MYOF: variants seen among roughly 807,000 people sequenced by gnomAD.
MYOF encodes myoferlin.
MYOF carries 244 observed loss-of-function variants against 284.2 expected under a neutral mutation model. The ratio of observed to expected loss-of-function variants is 0.86; its 90% CI spans 0.77 to 0.95. The LOEUF is 0.95. Ranked by LOEUF, MYOF falls within the 40% of genes least tolerant of loss-of-function variation. MYOF has a pLI of 0.00. For missense variants in MYOF, 2,496 were observed against 2,560.6 expected (o/e 0.97, Z 0.54); for synonymous variants, 904 against 919.7 (o/e 0.98, Z 0.31).
chr10:93,376,413 T>C (rs1221031952), intron 22 of MYOF, among the ~76,000 whole-genome samples: 1 of 152,144 alleles, frequency 6.6e-6, no homozygotes, highest in Admixed American at 6.5e-5. Flanking sequence ...AGATATGTCA[T>C]TTCTCCTCTT....
chr10:93,432,930 TG>T (rs1484117490), intron 3 of MYOF, among the ~76,000 whole-genome samples: 1 of 152,184 alleles, frequency 6.6e-6, no homozygotes, highest in Non-Finnish European at 1.5e-5. Context: ...TTTTTATAGT[TG>T]GGGAACATGA....
rs1224228429 is a variant in MYOF at position 93,343,918 on chromosome 10, C to T, written c.4264G>A (p.Ala1422Thr). Reference protein sequence around the residue: ...VPQLKASLLSAPPCRDIVIEM... With the variant: ...VPQLKASLLSTPPCRDIVIEM... ...ATAACGATGTCCCGGCATGGTGGGG[C>T]AGACAGAAGGGAGGCTGCAAGACAA... The change falls in exon 38 of 54, where the codon GCC (alanine) becomes ACC (threonine). Residue 1422 changes from alanine to threonine, a missense_variant. Ala to Thr is a moderately conservative substitution (Grantham distance 58). Transcript: ENST00000359263. The T allele has an allele frequency of 1.1e-5, 17 of 1,613,980 alleles. No homozygotes were observed. The highest frequency in any genetic ancestry group is 1.3e-5 in the African/African-American group (1 of 74,908).
chr10:93,337,881 A>C lies in MYOF; in HGVS notation c.4371T>G (p.Phe1457Leu). The C allele has an allele frequency of 6.2e-7, 1 of 1,614,142 alleles. No individual in the cohort carries two copies. Residue 1457 changes from phenylalanine (F) to leucine (L), a missense_variant, in exon 40 of 54, where the codon TTT (phenylalanine) becomes TTG (leucine). By Grantham distance (22) the Phe-to-Leu change is conservative. This residue lies in a region of MYOF where 2,436 missense variants were observed against 2,480.7 expected (regional missense o/e 0.98). Transcript: ENST00000359263. ...TTTCATGTTCCCCTGAGGAAGCATA[A>C]AATTTACTCCACCAGTCCACGATTT... ...EEEIVDWWSK[F>L]YASSGEHEKC...
At chr10:93,400,013 A>G (rs1847198530) in intron 12 of MYOF, among the ~76,000 whole-genome samples, 2 of 152,246 alleles carry the variant, frequency 1.3e-5, no homozygotes, top group Admixed American at 1.3e-4. Context: ...CCTAGGTGAC[A>G]GAGTGAGGCT....
At position 93,331,379 on chromosome 10, in the gene MYOF, C is replaced by T. The variant is rs1313249384; in HGVS notation, c.4812-1545G>A. 2.6e-5 allele frequency among the ~76,000 whole-genome samples: 4 copies of T among 152,182 alleles called. No individual in the cohort carries two copies. The East Asian group carries it at 5.8e-4, about 22-fold the overall frequency. ...GGAAGTCTGCCCATCCGCCAGACAG[C>T]GATTGGCCGAGCAGAGCCTACAGCA... On this transcript the variant is annotated intron_variant, in intron 43 of 53. Coordinates refer to ENST00000359263, the MANE Select transcript of MYOF (RefSeq NM_013451.4).
In MYOF at chr10:93,325,833, A is replaced by G. The variant is rs1300107991; in HGVS notation, c.5264T>C (p.Ile1755Thr). The change falls in exon 46 of 54, where the codon ATT becomes ACT. Residue 1755 changes from isoleucine to threonine, a missense_variant. Physicochemically the swap from Ile to Thr is moderately conservative, Grantham distance 89. This residue lies in a region of MYOF where 2,436 missense variants were observed against 2,480.7 expected (regional missense o/e 0.98). Coordinates refer to ENST00000359263, the MANE Select transcript of MYOF (RefSeq NM_013451.4). ...RTLHSTFQPN[I>T]SQGKLQMWVD... is the part of the protein sequence containing the mutation. Reference sequence around the variant, plus strand: ...GGAGGGAAGGCCCTTTACCTGGGAAATGTTGGGCTGGAAGGTGCTGTGCAA... The same window carrying G: ...GGAGGGAAGGCCCTTTACCTGGGAAGTGTTGGGCTGGAAGGTGCTGTGCAA... 2 of 1,612,370 alleles carry G rather than the reference A, an allele frequency of 1.2e-6. No individual in the cohort carries two copies. Among genetic ancestry groups the G allele is most frequent in the African/African-American group, 2.7e-5 (2 of 74,842 alleles).
intron 5 of MYOF, among the ~76,000 whole-genome samples, chr10:93,418,030 AG>A (rs1848205565): frequency 1.3e-5 from 2 of 152,176 alleles, no homozygotes; most frequent in Non-Finnish European, 1.5e-5. Context: ...AAGTGATCCC[AG>A]GCTCAAGTGA....
intron 12 of MYOF, 46 bp from the exon 13 acceptor site, chr10:93,399,541 A>G: frequency 7.0e-7 from 1 of 1,427,886 alleles, no homozygotes; most frequent in Middle Eastern, 2.2e-4. Context: ...CAATTCCCAG[A>G]AATTTGGCAA....
At chr10:93,444,260 A>G (rs1287159865) in intron 3 of MYOF, among the ~76,000 whole-genome samples, 1 of 152,146 alleles carries the variant, frequency 6.6e-6, no homozygotes, top group African/African-American at 2.4e-5. Flanking sequence ...CATTCATCCA[A>G]CAAACGTTTA....
At chr10:93,403,767 G>T (rs1589513683) in intron 9 of MYOF, among the ~76,000 whole-genome samples, 1 of 152,322 alleles carries the variant, frequency 6.6e-6, no homozygotes, top group South Asian at 2.1e-4. Context: ...CTTTGTGGCA[G>T]TGGATTTGCT....
chr10:93,322,014 AT>A (rs1842862529), intron 48 of MYOF, among the ~76,000 whole-genome samples: 1 of 147,846 alleles, frequency 6.8e-6, no homozygotes, highest in Non-Finnish European at 1.5e-5. Flanking sequence ...AAAAAAAAAA[AT>A]AATGCTTATG....
intron 38 of MYOF, among the ~76,000 whole-genome samples, chr10:93,340,416 A>G (rs1471651315): frequency 1.3e-5 from 2 of 152,182 alleles, no homozygotes; most frequent in African/African-American, 4.8e-5. Flanking sequence ...ATTATAATGA[A>G]AGGCTTGGAA....
chr10:93,369,110 C>CTTTTTTTTTT lies in MYOF; in HGVS notation c.2589+525_2589+534dup, dbSNP rs66923086. On this transcript the variant is annotated intron_variant, in intron 25 of 53. Coordinates refer to ENST00000359263, the MANE Select transcript of MYOF (RefSeq NM_013451.4). ...TATTGTTTTAGAAGTATTCAGACAGCTTTTTTTTTTTTTTTTTTTTTTGCC... is the reference window on the plus strand; with the variant it reads ...TATTGTTTTAGAAGTATTCAGACAGCTTTTTTTTTTTTTTTTTTTTTTTTTTTTTTTTGCC... Among the ~76,000 whole-genome samples the CTTTTTTTTTT allele has an allele frequency of 1.0e-3, 80 of 78,314 alleles. 5 individuals are homozygous for CTTTTTTTTTT. Among genetic ancestry groups the CTTTTTTTTTT allele is most frequent in the African/African-American group, 2.6e-3 (40 of 15,450 alleles). 51.4% of individuals were successfully genotyped at this position (78,314 alleles called of 152,430 possible).
At chr10:93,339,582 G>GCCTCAA (rs202193760) in intron 39 of MYOF, among the ~76,000 whole-genome samples, 5,204 of 79,702 alleles carry the variant, frequency 0.065, 315 homozygotes, top group African/African-American at 0.15. Flanking sequence ...TGATTCTCGT[G>GCCTCAA]CCTCAGCCTC....
chr10:93,412,891 T>C (rs1302995459), intron 5 of MYOF, among the ~76,000 whole-genome samples: 2 of 152,052 alleles, frequency 1.3e-5, no homozygotes, highest in Admixed American at 6.5e-5. Flanking sequence ...GGGGAAGCAC[T>C]GGGGGCCAGG....
chr10:93,398,649 G>T (rs1181447183), intron 13 of MYOF, among the ~76,000 whole-genome samples: 1 of 152,104 alleles, frequency 6.6e-6, no homozygotes, highest in Non-Finnish European at 1.5e-5. Context: ...GCCTCATTTT[G>T]CCCCAGAGCT....
At chr10:93,356,962 G>T in intron 29 of MYOF, 114 bp from the exon 30 acceptor site, 2 of 1,107,942 alleles carry the variant, frequency 1.8e-6, no homozygotes, top group Non-Finnish European at 1.3e-6. Context: ...AATCTACTCT[G>T]TGCCAAGTAC....
At chr10:93,424,354 C>T (rs576550109) in intron 5 of MYOF, among the ~76,000 whole-genome samples, 13 of 152,292 alleles carry the variant, frequency 8.5e-5, no homozygotes, top group East Asian at 7.7e-4. Flanking sequence ...CAATAGTCAT[C>T]GGCAGCGGAG....
intron 19 of MYOF, among the ~76,000 whole-genome samples, chr10:93,387,080 A>T (rs2134023841): frequency 6.6e-6 from 1 of 152,248 alleles, no homozygotes; most frequent in East Asian, 1.9e-4. Context: ...CACCCTTTTT[A>T]CTGTATTTTC....
Sources: gnomAD v4.1 joint callset for allele counts (sites outside exome capture counted in the v4.1 genomes callset) on GRCh38, gnomAD v4.1.1 for gene constraint, gnomAD v4.1.1 regional missense constraint, MANE v1.5 for transcripts, NCBI Gene and HGNC (gene_info 2026-07-23, HGNC 2026-07-21) for gene names.